The following RARB variants were observed in gnomAD, a reference collection of about 807,000 sequenced individuals.
RARB encodes the protein retinoic acid receptor beta.
In RARB, 17 loss-of-function variants were observed where a neutral mutation model predicts 51.9. The ratio of observed to expected loss-of-function variants is 0.33; its 90% confidence interval spans 0.22 to 0.49. The LOEUF is 0.49. Ranked by LOEUF, RARB falls within the 20% of genes least tolerant of loss-of-function variation. The probability of loss-of-function intolerance (pLI) is 0.99; values close to 1 mark genes in which losing one functional copy is unlikely to be tolerated. For synonymous variants in RARB, 215 were observed against 195.4 expected, an observed-to-expected ratio of 1.10 and a Z score of -0.84; for missense variants, 369 against 550.8, an observed-to-expected ratio of 0.67 and a Z score of 3.30.
rs549663715 is a variant in RARB, at chr3:25,092,478, C to G, written c.-328+32302C>G. On this transcript the variant is annotated intron_variant, in intron 3 of 11. Transcript: ENST00000383772. Reference sequence around the variant, plus strand: ...AAATTGAAGCATAATCTAGTTGTCTCTCTTATTTTTACTATTGTTCCTAAT... The same window carrying G: ...AAATTGAAGCATAATCTAGTTGTCTGTCTTATTTTTACTATTGTTCCTAAT... 2.0e-3 allele frequency among the ~76,000 whole-genome samples: 297 copies of G among 152,142 alleles called. 1 individual carries two copies. Among genetic ancestry groups the G allele is most frequent in the African/African-American group, 6.9e-3 (288 of 41,538 alleles).
intron 2 of RARB, among the ~76,000 whole-genome samples, chr3:25,028,078 G>A (rs921435056): frequency 3.3e-5 from 5 of 152,196 alleles, no homozygotes; most frequent in Middle Eastern, 3.4e-3. Flanking sequence ...TAAGTAATCA[G>A]CTCATAACAT....
At chr3:25,196,104 G>A (rs970413989) in intron 5 of RARB, among the ~76,000 whole-genome samples, 8 of 151,816 alleles carry the variant, frequency 5.3e-5, no homozygotes, top group African/African-American at 7.3e-5. Flanking sequence ...ATGTTCTAGG[G>A]TACCTGTGCA....
intron 5 of RARB, among the ~76,000 whole-genome samples, chr3:25,242,954 T>C (rs1342047885): frequency 1.3e-5 from 2 of 152,346 alleles, no homozygotes; most frequent in East Asian, 3.9e-4. Context: ...GGAATGTTTT[T>C]CCATTTGTTT....
intron 5 of RARB, among the ~76,000 whole-genome samples, chr3:25,306,753 G>A (rs1287701986): frequency 6.6e-6 from 1 of 152,198 alleles, no homozygotes; most frequent in Admixed American, 6.5e-5. Flanking sequence ...TGGAAAGAAT[G>A]TCTGCCGTTT....
Position 24,965,123 on chromosome 3 carries a change from A to G in RARB, c.-379-95002A>G, listed in dbSNP as rs1388056727. On this transcript the variant is annotated intron_variant, in intron 2 of 11. Transcript: ENST00000383772. ...TAGAAATTTTAGAGTCATGTTTACTAAGGTTCACTTCTGGTTAAGGGCACA... is the reference window on the plus strand; with the variant it reads ...TAGAAATTTTAGAGTCATGTTTACTGAGGTTCACTTCTGGTTAAGGGCACA... 3.3e-5 allele frequency among the ~76,000 whole-genome samples: 5 copies of G among 152,150 alleles called. No homozygotes were observed. In the East Asian group the frequency reaches 9.6e-4, roughly 29 times the overall value.
intron 4 of RARB, among the ~76,000 whole-genome samples, chr3:25,143,479 G>C (rs1478234385): frequency 1.3e-5 from 2 of 152,188 alleles, no homozygotes; most frequent in Admixed American, 1.3e-4. Flanking sequence ...TGATGAGGCA[G>C]CCTCCAGTAG....
chr3:25,430,240 A>G (rs919338579), intron 1 of RARB, among the ~76,000 whole-genome samples: 2 of 152,172 alleles, frequency 1.3e-5, no homozygotes, highest in Non-Finnish European at 2.9e-5. Context: ...CTGCTCCCCA[A>G]ATGCCTTTTC....
chr3:25,285,754 G>C (rs1218416208), intron 5 of RARB, among the ~76,000 whole-genome samples: 1 of 152,194 alleles, frequency 6.6e-6, no homozygotes, highest in Non-Finnish European at 1.5e-5. Flanking sequence ...TCTTAGAGAA[G>C]GTGACAACTT....
intron 7 of RARB, 43 bp downstream of exon 7, chr3:25,594,721 T>C (rs770138309): frequency 1.4e-6 from 2 of 1,476,972 alleles, no homozygotes; most frequent in South Asian, 3.0e-5. Flanking sequence ...ACAGTGGACT[T>C]GAGGGCCTTA....
chr3:25,278,395 G>A (rs1302025364), intron 5 of RARB, among the ~76,000 whole-genome samples: 1 of 152,136 alleles, frequency 6.6e-6, no homozygotes, highest in Non-Finnish European at 1.5e-5. Context: ...CAGTCCAACA[G>A]CGTTCTTGAA....
At chr3:25,533,946 T>G (rs565784009) in intron 3 of RARB, among the ~76,000 whole-genome samples, 1 of 152,336 alleles carries the variant, frequency 6.6e-6, no homozygotes, top group Admixed American at 6.5e-5. Context: ...GTTGAAACTT[T>G]CAGTGCTCTT....
intron 2 of RARB, among the ~76,000 whole-genome samples, chr3:25,032,856 TGTG>T (rs1697903677): frequency 6.6e-6 from 1 of 152,234 alleles, no homozygotes. Context: ...TAGATTGTGT[TGTG>T]GTAGCAATGT....
At chr3:25,355,446 C>T (rs1399288061) in intron 5 of RARB, among the ~76,000 whole-genome samples, 2 of 152,128 alleles carry the variant, frequency 1.3e-5, no homozygotes, top group Admixed American at 6.6e-5. Context: ...CACAGTGAAG[C>T]ACTTCAGTCA....
chr3:24,966,196 G>A (rs915614811), intron 2 of RARB, among the ~76,000 whole-genome samples: 1 of 151,920 alleles, frequency 6.6e-6, no homozygotes, highest in Non-Finnish European at 1.5e-5. Flanking sequence ...TTCCAAAGGA[G>A]AGAGTGGACA....
intron 5 of RARB, among the ~76,000 whole-genome samples, chr3:25,225,498 G>A (rs1440839006): frequency 1.3e-5 from 2 of 152,076 alleles, no homozygotes; most frequent in Non-Finnish European, 2.9e-5. Flanking sequence ...CCAAATAAAT[G>A]GAACTCAGCA....
intron 3 of RARB, among the ~76,000 whole-genome samples, chr3:25,515,510 G>T (rs191832143): frequency 1.3e-5 from 2 of 152,142 alleles, no homozygotes; most frequent in African/African-American, 2.4e-5. Flanking sequence ...CCAATCCTGG[G>T]GGGGAGGGGG....
At chr3:25,216,721 A>G (rs957135611) in intron 5 of RARB, among the ~76,000 whole-genome samples, 1 of 151,738 alleles carries the variant, frequency 6.6e-6, no homozygotes, top group Non-Finnish European at 1.5e-5. Context: ...GAAGAAACAA[A>G]ATATAGGTAC....
At chr3:25,425,977 G>C (rs1027613001), upstream of RARB, among the ~76,000 whole-genome samples, 2 of 152,098 alleles carry the variant, frequency 1.3e-5, no homozygotes, top group African/African-American at 4.8e-5. Context: ...AGTTTCTCCT[G>C]CTCTACTTCC....
chr3:24,938,598 A>C (rs1695593185), intron 2 of RARB, among the ~76,000 whole-genome samples: 1 of 152,168 alleles, frequency 6.6e-6, no homozygotes, highest in Admixed American at 6.5e-5. Context: ...TAAAATGGTA[A>C]ATTTTAAATG....
Sources: gnomAD v4.1 joint callset for allele counts (sites outside exome capture counted in the v4.1 genomes callset) on GRCh38, gnomAD v4.1.1 for gene constraint, MANE v1.5 for transcripts, NCBI Gene and HGNC (gene_info 2026-07-23, HGNC 2026-07-21) for gene names.